The following RELCH variants were observed in gnomAD, a reference collection of about 807,000 sequenced individuals.
RELCH encodes RAB11-binding protein RELCH.
Under a neutral mutation model 150.3 loss-of-function variants are expected in RELCH, and 41 were observed. That is an observed-to-expected ratio of 0.27 (90% CI 0.21 to 0.35). The LOEUF is 0.35. Ranked by LOEUF, RELCH falls within the 10% of genes least tolerant of loss-of-function variation. The pLI is 1.00. For missense variants in RELCH, 1,092 were observed against 1,467.8 expected (o/e 0.74, Z 4.18); for synonymous variants, 478 against 531.8 (o/e 0.90, Z 1.39).
At chr18:62,252,216 G>A (rs1016141706) in intron 11 of RELCH, among the ~76,000 whole-genome samples, 3 of 150,522 alleles carry the variant, frequency 2.0e-5, no homozygotes, top group Admixed American at 6.6e-5. Context: ...GGCCAGGGCG[G>A]TCTCTATCTC....
At chr18:62,260,187 C>G (rs74814476) in intron 15 of RELCH, among the ~76,000 whole-genome samples, 8,028 of 29,136 alleles carry the variant, frequency 0.28, 343 homozygotes, top group South Asian at 0.38. Flanking sequence ...TCAAACAACT[C>G]AACAGCAAAA....
intron 20 of RELCH, among the ~76,000 whole-genome samples, chr18:62,273,336 G>T (rs751412023): frequency 6.6e-6 from 1 of 151,898 alleles, no homozygotes; most frequent in Admixed American, 6.6e-5. Flanking sequence ...TTTAATCAAG[G>T]TGTGCATCTG....
intron 10 of RELCH, among the ~76,000 whole-genome samples, chr18:62,242,788 TG>T (rs1254837407): frequency 6.6e-6 from 1 of 152,148 alleles, no homozygotes; most frequent in Non-Finnish European, 1.5e-5. Context: ...CAGTTGTTTT[TG>T]TATGCTTGTT....
rs554784004 is a variant in RELCH, at chr18:62,214,254, T to C, written c.616+3012T>C. Among the ~76,000 whole-genome samples the C allele has an allele frequency of 2.0e-5, 3 of 152,292 alleles. No individual in the cohort carries two copies. The East Asian group carries it at 5.8e-4, about 29-fold the overall frequency. ...TTTAGTGCTCATGTACCATGGCTTG[T>C]TATTGAACCAAATGTGTGTGTAGAT... On this transcript the variant is annotated intron_variant, in intron 2 of 28. Coordinates refer to ENST00000644646, the MANE Select transcript of RELCH (RefSeq NM_001346231.2).
intron 27 of RELCH, 82 bp downstream of exon 27, chr18:62,291,713 A>G: frequency 1.2e-6 from 1 of 868,596 alleles, no homozygotes; most frequent in East Asian, 2.7e-5. Flanking sequence ...TGTGAGGCTT[A>G]TGATATGCTG....
At chr18:62,232,296 C>A (rs1438203578) in intron 9 of RELCH, 36 bp from the exon 10 acceptor site, 1 of 1,336,926 alleles carries the variant, frequency 7.5e-7, no homozygotes, top group Non-Finnish European at 1.1e-6. Context: ...CAGAAGTTCT[C>A]CACTATCATT....
chr18:62,204,670 G>A (rs1190217027), intron 1 of RELCH, among the ~76,000 whole-genome samples: 4 of 152,102 alleles, frequency 2.6e-5, no homozygotes, highest in Non-Finnish European at 4.4e-5. Context: ...CAAGGCAGAC[G>A]TACTGATAAC....
intron 1 of RELCH, among the ~76,000 whole-genome samples, chr18:62,191,424 T>G (rs1051017264): frequency 1.3e-5 from 2 of 152,182 alleles, no homozygotes; most frequent in Non-Finnish European, 2.9e-5. Flanking sequence ...TTTTGCACCG[T>G]TTTTTTCACC....
At chr18:62,249,224 G>C (rs1432867415) in intron 11 of RELCH, among the ~76,000 whole-genome samples, 2 of 152,126 alleles carry the variant, frequency 1.3e-5, no homozygotes, top group Non-Finnish European at 1.5e-5. Flanking sequence ...AACTATGAAA[G>C]ATATCAAGCT....
Position 62,310,061 on chromosome 18 carries a change from A to G in RELCH, c.*4527A>G, listed in dbSNP as rs567747789. 6.7e-6 allele frequency: 1 copy of G among 149,178 alleles called. No homozygotes were observed. The highest frequency in any genetic ancestry group is 2.5e-5 in the African/African-American group (1 of 40,592). 9.2% of individuals were successfully genotyped at this position (149,178 alleles called of 1,614,324 possible). ...TGGAAATGTTACAGATAATCTCTCT[A>G]TAAAATGTACATTGCTGAGTAATAT... On this transcript the variant is annotated 3_prime_UTR_variant, in exon 29 of 29. Coordinates refer to ENST00000644646, the MANE Select transcript of RELCH (RefSeq NM_001346231.2).
chr18:62,242,680 G>A (rs1040001921), intron 10 of RELCH, among the ~76,000 whole-genome samples: 2 of 152,110 alleles, frequency 1.3e-5, no homozygotes, highest in African/African-American at 2.4e-5. Context: ...CCATATTAAT[G>A]TATGACATAA....
chr18:62,242,926 A>G (rs1240021587), intron 10 of RELCH, among the ~76,000 whole-genome samples: 1 of 152,126 alleles, frequency 6.6e-6, no homozygotes, highest in African/African-American at 2.4e-5. Flanking sequence ...AGAAATGGGA[A>G]AAATAGTATG....
chr18:62,290,079 G>A lies in RELCH; in HGVS notation c.3371-1464G>A, dbSNP rs139853269. On this transcript the variant is annotated intron_variant, in intron 26 of 28. Transcript: ENST00000644646. ...AATGATGTTTATATTTTTAATACCT[G>A]TTAAATTTATAAATCACTCATTATA... Among the ~76,000 whole-genome samples, 1,211 of 152,190 alleles carry A rather than the reference G, an allele frequency of 8.0e-3. 18 individuals are homozygous for A. Among genetic ancestry groups the A allele is most frequent in the African/African-American group, 0.028 (1,158 of 41,504 alleles).
chr18:62,208,210 CCA>C, intron 1 of RELCH, among the ~76,000 whole-genome samples: 1 of 152,036 alleles, frequency 6.6e-6, no homozygotes, highest in Non-Finnish European at 1.5e-5. Flanking sequence ...AACGCTTTGT[CCA>C]TTTTTTAATT....
chr18:62,268,919 G>A lies in RELCH; in HGVS notation c.2731G>A (p.Ala911Thr). The A allele has an allele frequency of 6.5e-7, 1 of 1,549,518 alleles. No homozygotes were observed. The highest frequency in any genetic ancestry group is 8.7e-7 in the Non-Finnish European group (1 of 1,144,140). Residue 911 changes from alanine (A) to threonine (T), a missense_variant, in exon 20 of 29, where the codon GCA becomes ACA. Coordinates refer to ENST00000644646, the MANE Select transcript of RELCH (RefSeq NM_001346231.2). The part of the protein sequence containing the change: ...VLTKATVPIY[A>T]TGVLTCYIQE... ...CACTAAAGCTACAGTCCCCATTTAT[G>A]CAACAGGAGTCCTTACGTGTTATAT...
intron 16 of RELCH, 116 bp from the exon 17 acceptor site, chr18:62,263,873 A>G (rs9947311): frequency 0.097 from 64,244 of 664,770 alleles, 3,742 homozygotes; most frequent in Middle Eastern, 0.18. Flanking sequence ...TTTAAAATTT[A>G]CAATAAGAAA....
intron 1 of RELCH, among the ~76,000 whole-genome samples, chr18:62,200,167 G>A (rs1274525161): frequency 6.6e-6 from 1 of 152,154 alleles, no homozygotes; most frequent in African/African-American, 2.4e-5. Flanking sequence ...AAAAGACAGT[G>A]GGCTGCAAAC....
chr18:62,302,980 A>G (rs1485982608), intron 28 of RELCH, among the ~76,000 whole-genome samples: 1 of 152,236 alleles, frequency 6.6e-6, no homozygotes, highest in Non-Finnish European at 1.5e-5. Flanking sequence ...TTTCATTTTA[A>G]TAACTCTTTT....
chr18:62,291,680 A>T, intron 27 of RELCH, 49 bp downstream of exon 27: 1 of 1,206,550 alleles, frequency 8.3e-7, no homozygotes, highest in East Asian at 2.4e-5. Flanking sequence ...AATACCTCAT[A>T]TATAGACTTG....
Sources: allele counts gnomAD v4.1 joint callset (sites outside exome capture counted in the v4.1 genomes callset), GRCh38; gene constraint gnomAD v4.1.1; transcripts MANE v1.5; gene names NCBI Gene and HGNC (gene_info 2026-07-23, HGNC 2026-07-21).